ADCY8: variants seen among roughly 807,000 people sequenced by gnomAD.
The protein encoded by ADCY8 is adenylate cyclase 8, also known as adenylate cyclase type 8.
A neutral mutation model predicts 119.7 loss-of-function variants in ADCY8; 51 were observed. That is an observed-to-expected ratio of 0.43 (90% confidence interval 0.34 to 0.54). ADCY8 has a LOEUF of 0.54. Among genes scored for constraint, ADCY8 ranks in the 20% least tolerant of loss-of-function variants. The pLI, the probability that ADCY8 is intolerant of heterozygous loss-of-function variation, is 0.03. For missense variants in ADCY8, 1,383 were observed against 1,598.8 expected (o/e 0.87, Z 2.30); for synonymous variants, 665 against 651.0 (o/e 1.02, Z -0.33).
intron 2 of ADCY8, among the ~76,000 whole-genome samples, chr8:130,965,953 G>A (rs905875437): frequency 9.2e-5 from 14 of 152,134 alleles, no homozygotes; most frequent in African/African-American, 3.4e-4. Flanking sequence ...AGACCAAGAT[G>A]TTTTCTCTAC....
At chr8:130,952,268 C>A (rs1372503351) in intron 2 of ADCY8, among the ~76,000 whole-genome samples, 1 of 152,160 alleles carries the variant, frequency 6.6e-6, no homozygotes, top group Non-Finnish European at 1.5e-5. Context: ...TTAAGTATTA[C>A]ATACCCAAAG....
At chr8:130,981,219 C>T (rs979282238) in intron 2 of ADCY8, among the ~76,000 whole-genome samples, 1 of 152,010 alleles carries the variant, frequency 6.6e-6, no homozygotes, top group East Asian at 1.9e-4. Flanking sequence ...GAGATAGTGC[C>T]GTTAAATTAT....
intron 1 of ADCY8, among the ~76,000 whole-genome samples, chr8:131,026,028 C>T (rs1823812445): frequency 6.6e-6 from 1 of 152,230 alleles, no homozygotes. Context: ...CACTGTGGTA[C>T]TCCATAAATA....
At chr8:130,956,069 AG>A (rs1312498607) in intron 2 of ADCY8, among the ~76,000 whole-genome samples, 2 of 152,150 alleles carry the variant, frequency 1.3e-5, no homozygotes, top group Non-Finnish European at 2.9e-5. Flanking sequence ...CGTTTGAACC[AG>A]GGAGGTCGAG....
At chr8:130,788,473 C>G (rs1461627368) in intron 15 of ADCY8, among the ~76,000 whole-genome samples, 4 of 151,924 alleles carry the variant, frequency 2.6e-5, no homozygotes, top group Non-Finnish European at 5.9e-5. Flanking sequence ...ATGGTGGGGA[C>G]TGGGGATGGG....
At chr8:130,843,045 T>C (rs1817195624) in intron 11 of ADCY8, among the ~76,000 whole-genome samples, 1 of 152,178 alleles carries the variant, frequency 6.6e-6, no homozygotes, top group African/African-American at 2.4e-5. Context: ...CCTAGATATT[T>C]TTGTATTCCT....
At chr8:130,820,125 T>A (rs893297409) in intron 13 of ADCY8, among the ~76,000 whole-genome samples, 1 of 152,370 alleles carries the variant, frequency 6.6e-6, no homozygotes, top group Admixed American at 6.5e-5. Context: ...TAGTAGGGAC[T>A]CAATAAATAT....
At position 131,040,164 on chromosome 8, in the gene ADCY8, C is replaced by A; in HGVS notation, c.170G>T (p.Gly57Val). Residue 57 changes from glycine (G) to valine (V), a missense_variant, in exon 1 of 18, where the codon GGC becomes GTC. By Grantham distance (109) the Gly-to-Val change is moderately radical. This residue lies in a region of ADCY8 where 455 missense variants were observed against 435.3 expected (regional missense o/e 1.05). Transcript: ENST00000286355. ...EQRFIHGHRG[G>V]SGSGSGGSGK... The stretch of plus-strand genomic sequence containing the variant: ...CGAGCCTCCACTCCCGCTGCCGCTG[C>A]CTCCCCGGTGCCCGTGAATGAAGCG... The A allele has an allele frequency of 6.5e-7, 1 of 1,533,314 alleles. No homozygotes were observed. Among genetic ancestry groups the A allele is most frequent in the Non-Finnish European group, 8.7e-7 (1 of 1,145,642 alleles). 95.0% of individuals were successfully genotyped at this position (1,533,314 alleles called of 1,614,324 possible).
At position 130,924,800 on chromosome 8, in the gene ADCY8, A is replaced by G. The variant is rs1034731225; in HGVS notation, c.1481+12273T>C. Among the ~76,000 whole-genome samples the G allele has an allele frequency of 3.9e-5, 6 of 152,162 alleles. No individual in the cohort carries two copies. In the South Asian group the frequency reaches 1.2e-3, roughly 32 times the overall value. ...ATTTGTCCATGCTGCAGACATACTT[A>G]GTTCTTCAGTATTTGGCCTATCACC... On this transcript the variant is annotated intron_variant, in intron 5 of 17. Coordinates refer to ENST00000286355, the MANE Select transcript of ADCY8 (RefSeq NM_001115.3).
chr8:130,865,130 C>A (rs1818070869), intron 9 of ADCY8, among the ~76,000 whole-genome samples: 1 of 152,128 alleles, frequency 6.6e-6, no homozygotes, highest in South Asian at 2.1e-4. Context: ...TCTTGCAGTT[C>A]TTTCAGCTGT....
intron 8 of ADCY8, among the ~76,000 whole-genome samples, chr8:130,873,784 G>A (rs1165963016): frequency 6.6e-6 from 1 of 152,040 alleles, no homozygotes; most frequent in Non-Finnish European, 1.5e-5. Context: ...AGTGTTGGGG[G>A]AAATCAAGTC....
chr8:130,990,418 C>T lies in ADCY8; in HGVS notation c.1085G>A (p.Arg362His), dbSNP rs774800014. The change falls in exon 2 of 18, where the codon CGC becomes CAC. Residue 362 changes from arginine to histidine, a missense_variant. Arg to His is a conservative substitution (Grantham distance 29, BLOSUM62 0). Coordinates refer to ENST00000286355, the MANE Select transcript of ADCY8 (RefSeq NM_001115.3). ...ETRRCVEARLRLETENQRQER... is the reference protein window; with the variant it reads ...ETRRCVEARLHLETENQRQER... ...CTGTCTTTGGTTCTCTGTCTCCAGG[C>T]GCAGCCTGGCCTCCACACACCTCCG... 29 of 1,614,038 alleles carry T rather than the reference C, an allele frequency of 1.8e-5. No individual in the cohort carries two copies. Among genetic ancestry groups the T allele is most frequent in the Middle Eastern group, 1.6e-4 (1 of 6,068 alleles).
At chr8:130,865,648 G>A (rs1818089544) in intron 9 of ADCY8, among the ~76,000 whole-genome samples, 1 of 152,140 alleles carries the variant, frequency 6.6e-6, no homozygotes, top group African/African-American at 2.4e-5. Context: ...ATGGTTCAGA[G>A]TTCTAGAAAG....
chr8:130,855,913 C>T (rs1370832604), intron 9 of ADCY8, among the ~76,000 whole-genome samples: 1 of 152,124 alleles, frequency 6.6e-6, no homozygotes, highest in African/African-American at 2.4e-5. Context: ...CCATCATCCC[C>T]GTTCAGTATG....
chr8:130,901,814 G>T (rs768205719), intron 7 of ADCY8, among the ~76,000 whole-genome samples: 18 of 152,066 alleles, frequency 1.2e-4, no homozygotes, highest in Non-Finnish European at 1.9e-4. Context: ...GCACAGATGG[G>T]TTACATCCAG....
chr8:130,907,965 C>T (rs1257553383), intron 6 of ADCY8, among the ~76,000 whole-genome samples: 2 of 152,172 alleles, frequency 1.3e-5, no homozygotes, highest in African/African-American at 4.8e-5. Flanking sequence ...CAATGTTTAG[C>T]TCCCACTTAG....
At chr8:130,825,075 C>T (rs71522596) in intron 12 of ADCY8, among the ~76,000 whole-genome samples, 354 of 152,246 alleles carry the variant, frequency 2.3e-3, no homozygotes, top group Non-Finnish European at 4.0e-3. Flanking sequence ...TGATGTGTAA[C>T]AATTGTACAT....
At chr8:130,927,608 T>C (rs1820511253) in intron 5 of ADCY8, among the ~76,000 whole-genome samples, 1 of 152,242 alleles carries the variant, frequency 6.6e-6, no homozygotes, top group Admixed American at 6.5e-5. Context: ...GATAGTTTGC[T>C]GTTAATATAT....
At chr8:130,996,905 T>A (rs1215909982) in intron 1 of ADCY8, among the ~76,000 whole-genome samples, 1 of 152,186 alleles carries the variant, frequency 6.6e-6, no homozygotes, top group African/African-American at 2.4e-5. Flanking sequence ...TTTGACTCAT[T>A]TCTTTTGACC....
Sources: allele counts gnomAD v4.1 joint callset (sites outside exome capture counted in the v4.1 genomes callset), GRCh38; gene constraint gnomAD v4.1.1; regional missense constraint gnomAD v4.1.1; transcripts MANE v1.5; gene names NCBI Gene and HGNC (gene_info 2026-07-23, HGNC 2026-07-21).